Variants in PLD1 observed in about 807,000 individuals in gnomAD.
The protein encoded by PLD1 is choline phosphatase 1.
In PLD1, 112 loss-of-function variants were observed where a neutral mutation model predicts 137.1. The observed-to-expected ratio is 0.82, with a 90% CI of 0.70 to 0.96. PLD1 has a LOEUF of 0.96. Among genes scored for constraint, PLD1 ranks in the 40% least tolerant of loss-of-function variants. The pLI, the probability that PLD1 is intolerant of heterozygous loss-of-function variation, is 0.00. For synonymous variants in PLD1, 431 were observed against 454.7 expected, an observed-to-expected ratio of 0.95 and a Z score of 0.66; for missense variants, 1,321 against 1,342.0, an observed-to-expected ratio of 0.98 and a Z score of 0.24.
In PLD1 at chr3:171,747,266, C is replaced by A. The variant is rs543323408; in HGVS notation, c.-31-9184G>T. On this transcript the variant is annotated intron_variant, in intron 1 of 26. Coordinates refer to ENST00000351298, the MANE Select transcript of PLD1 (RefSeq NM_002662.5). ...ACCAAGAACCCACCAATTTCAGACA[C>A]AATACTAGGGCAGGTTAAGTTGCTG... 3.9e-5 allele frequency among the ~76,000 whole-genome samples: 6 copies of A among 152,334 alleles called. No individual in the cohort carries two copies. In the East Asian group the frequency reaches 7.7e-4, roughly 20 times the overall value.
At chr3:171,802,790 T>TACC (rs1203996815) in intron 1 of PLD1, among the ~76,000 whole-genome samples, 1 of 152,172 alleles carries the variant, frequency 6.6e-6, no homozygotes, top group Non-Finnish European at 1.5e-5. Flanking sequence ...GGCCCCTGAT[T>TACC]ACCAAGTTTC....
Position 171,709,558 on chromosome 3 carries a change from AC to A in PLD1, c.1061+1del. On this transcript the variant is annotated splice_donor_variant, in intron 10 of 26. Coordinates refer to ENST00000351298, the MANE Select transcript of PLD1 (RefSeq NM_002662.5). LOFTEE classifies it high-confidence loss of function. ...GACAGGCTTAGAGAAATAATAACTT[AC>A]CATTTAGCTAAAGCATTCTCTTGGA... The A allele has an allele frequency of 1.2e-6, 2 of 1,613,298 alleles. No individual in the cohort carries two copies. Among genetic ancestry groups the A allele is most frequent in the African/African-American group, 2.7e-5 (2 of 75,030 alleles).
intron 8 of PLD1, among the ~76,000 whole-genome samples, chr3:171,715,367 A>G (rs1344225715): frequency 1.3e-5 from 2 of 152,164 alleles, no homozygotes; most frequent in Non-Finnish European, 2.9e-5. Context: ...GCTTTGTAAT[A>G]TATTTTGAAG....
chr3:171,785,807 C>T (rs552056292), intron 1 of PLD1, among the ~76,000 whole-genome samples: 5 of 152,326 alleles, frequency 3.3e-5, no homozygotes, highest in Admixed American at 1.3e-4. Flanking sequence ...CAAATAACCA[C>T]GTGTGGCTAG....
intron 23 of PLD1, among the ~76,000 whole-genome samples, chr3:171,630,720 T>C (rs1734582274): frequency 6.8e-6 from 1 of 147,560 alleles, no homozygotes; most frequent in Non-Finnish European, 1.5e-5. Context: ...TGTAGGGACA[T>C]GGATGAAATT....
chr3:171,648,969 A>G (rs891060443), intron 21 of PLD1, among the ~76,000 whole-genome samples: 1 of 152,118 alleles, frequency 6.6e-6, no homozygotes, highest in African/African-American at 2.4e-5. Context: ...TTTTTTTTCT[A>G]TTTCAAAGTA....
At chr3:171,620,626 G>T (rs1414699344) in intron 23 of PLD1, 106 bp from the exon 24 acceptor site, 6 of 521,626 alleles carry the variant, frequency 1.2e-5, no homozygotes, top group Non-Finnish European at 1.6e-5. Context: ...GTTCAGAATA[G>T]ATTGTATATT....
chr3:171,747,051 C>T (rs776754018), intron 1 of PLD1, among the ~76,000 whole-genome samples: 25 of 152,226 alleles, frequency 1.6e-4, no homozygotes, highest in African/African-American at 3.4e-4. Flanking sequence ...ACTCCAGACG[C>T]GCCACTTTAA....
At chr3:171,637,573 T>C (rs761930052) in intron 23 of PLD1, among the ~76,000 whole-genome samples, 1 of 152,194 alleles carries the variant, frequency 6.6e-6, no homozygotes, top group Non-Finnish European at 1.5e-5. Context: ...GGTATCAGGA[T>C]AATACTGGAC....
intron 1 of PLD1, among the ~76,000 whole-genome samples, chr3:171,802,126 G>A (rs1234799319): frequency 6.6e-6 from 1 of 152,168 alleles, no homozygotes; most frequent in Non-Finnish European, 1.5e-5. Flanking sequence ...GGGAACCAGG[G>A]TTCACACTAA....
At chr3:171,663,295 G>C (rs746741764) in intron 19 of PLD1, among the ~76,000 whole-genome samples, 2 of 152,220 alleles carry the variant, frequency 1.3e-5, no homozygotes, top group Admixed American at 6.5e-5. Context: ...TTCTCGCTCA[G>C]ACACCTGAAT....
At position 171,668,344 on chromosome 3, in the gene PLD1, C is replaced by T. The variant is rs148056786; in HGVS notation, c.2229+6156G>A. Among the ~76,000 whole-genome samples the T allele has an allele frequency of 2.6e-3, 397 of 152,294 alleles. 7 individuals carry two copies. Among genetic ancestry groups the T allele is most frequent in the East Asian group, 0.017 (89 of 5,184 alleles). The stretch of plus-strand genomic sequence containing the variant: ...GGACAAGGTGGATTCCTTTTACCCC[C>T]ACCTGCTCACTTTATTTTTCACCTA... On this transcript the variant is annotated intron_variant, in intron 19 of 26. Coordinates refer to ENST00000351298, the MANE Select transcript of PLD1 (RefSeq NM_002662.5).
Position 171,775,798 on chromosome 3 carries a change from A to T in PLD1, c.-32+34601T>A, listed in dbSNP as rs1169511876. Among the ~76,000 whole-genome samples, 10 of 152,106 alleles carry T rather than the reference A, an allele frequency of 6.6e-5. No homozygotes were observed. The East Asian group carries it at 1.9e-3, about 29-fold the overall frequency. ...GCAGAGGTTGCAGTGAGCAGAGACTATGCCACTGCACTCCAGCCTGGATGA... is the reference window on the plus strand; with the variant it reads ...GCAGAGGTTGCAGTGAGCAGAGACTTTGCCACTGCACTCCAGCCTGGATGA... On this transcript the variant is annotated intron_variant, in intron 1 of 26. Coordinates refer to ENST00000351298, the MANE Select transcript of PLD1 (RefSeq NM_002662.5).
At chr3:171,764,900 G>A (rs375782466) in intron 1 of PLD1, among the ~76,000 whole-genome samples, 2,078 of 24,144 alleles carry the variant, frequency 0.086, 281 homozygotes, top group Non-Finnish European at 0.095. Context: ...AGAAAGGAAG[G>A]AAGGAAGGAA....
At position 171,652,388 on chromosome 3, in the gene PLD1, C is replaced by T. The variant is rs1013449640; in HGVS notation, c.2429+6825G>A. The stretch of plus-strand genomic sequence containing the variant: ...AGATCGCGCCACTGCACTCCAGCCT[C>T]GGCGACAGAGTGAGACTCCTTCTCA... On this transcript the variant is annotated intron_variant, in intron 21 of 26. Transcript: ENST00000351298. Among the ~76,000 whole-genome samples the T allele has an allele frequency of 4.9e-5, 7 of 141,906 alleles. No individual in the cohort carries two copies. In the East Asian group the frequency reaches 8.4e-4, roughly 17 times the overall value. The allele number at this position is 141,906 out of a possible 152,430, so 93.1% of individuals were successfully genotyped here. A position where few individuals can be genotyped will look rare whatever the true frequency, so the allele number is the denominator to read the frequency against.
chr3:171,724,910 T>C, intron 7 of PLD1, 122 bp from the exon 8 acceptor site: 1 of 697,640 alleles, frequency 1.4e-6, no homozygotes, highest in East Asian at 2.7e-5. Context: ...CTCCCTACTC[T>C]CTCCTCCTCG....
rs139794711 is a variant in PLD1, at chr3:171,796,100, A to G, written c.-32+14299T>C. Among the ~76,000 whole-genome samples, 51 of 152,304 alleles carry G rather than the reference A, an allele frequency of 3.3e-4. 1 individual carries two copies. The East Asian group carries it at 9.6e-3, about 29-fold the overall frequency. On this transcript the variant is annotated intron_variant, in intron 1 of 26. Transcript: ENST00000351298. ...TAATTTACTCTTACCCAATGATTCA[A>G]TCCAGTTCCCCAAACATTTGCTGTC... is the stretch of plus-strand genomic sequence containing the variant.
chr3:171,800,432 C>T (rs1230377457), intron 1 of PLD1, among the ~76,000 whole-genome samples: 3 of 152,156 alleles, frequency 2.0e-5, no homozygotes, highest in Non-Finnish European at 4.4e-5. Flanking sequence ...TGGTCTCAAA[C>T]TCCTAATCTC....
At chr3:171,636,742 C>T (rs1243029328) in intron 23 of PLD1, among the ~76,000 whole-genome samples, 1 of 151,676 alleles carries the variant, frequency 6.6e-6, no homozygotes, top group African/African-American at 2.4e-5. Context: ...TGTTCCTTTC[C>T]CTTTAAAAAA....
Sources: allele counts gnomAD v4.1 joint callset (sites outside exome capture counted in the v4.1 genomes callset), GRCh38; gene constraint gnomAD v4.1.1; transcripts MANE v1.5; gene names NCBI Gene and HGNC (gene_info 2026-07-23, HGNC 2026-07-21).